The following SNTG1 variants were observed in gnomAD, a reference collection of about 807,000 sequenced individuals.
SNTG1 encodes gamma-1-syntrophin.
SNTG1 carries 39 observed loss-of-function variants against 74.7 expected under a neutral mutation model. The ratio of observed to expected loss-of-function variants is 0.52; its 90% confidence interval spans 0.40 to 0.68. The LOEUF (loss-of-function observed/expected upper bound fraction) is 0.68, where lower values mean the gene tolerates loss of function less well. Ranked by LOEUF, SNTG1 falls within the 30% of genes least tolerant of loss-of-function variation. The pLI, the probability that SNTG1 is intolerant of heterozygous loss-of-function variation, is 0.00. For missense variants in SNTG1, 685 were observed against 609.5 expected (o/e 1.12, Z -1.30); for synonymous variants, 254 against 217.1 (o/e 1.17, Z -1.49).
chr8:50,181,449 C>A (rs143646108), intron 2 of SNTG1, among the ~76,000 whole-genome samples: 202 of 152,300 alleles, frequency 1.3e-3, no homozygotes, highest in African/African-American at 4.5e-3. Flanking sequence ...GCACGTGCAT[C>A]AGTCCTACCT....
intron 1 of SNTG1, among the ~76,000 whole-genome samples, chr8:50,025,245 A>G (rs1304136662): frequency 6.6e-6 from 1 of 152,162 alleles, no homozygotes; most frequent in Non-Finnish European, 1.5e-5. Flanking sequence ...TTCACATTTG[A>G]AAAGTATATA....
At chr8:50,619,667 G>T (rs955190795) in intron 13 of SNTG1, among the ~76,000 whole-genome samples, 3 of 149,644 alleles carry the variant, frequency 2.0e-5, no homozygotes, top group Non-Finnish European at 4.4e-5. Context: ...GGAGGCGGAG[G>T]TTGCAGTGAG....
chr8:50,312,505 A>T (rs2090153375), intron 2 of SNTG1, among the ~76,000 whole-genome samples: 1 of 150,806 alleles, frequency 6.6e-6, no homozygotes, highest in Non-Finnish European at 1.5e-5. Context: ...AAATCCAAGC[A>T]GTAGCTGTAA....
At chr8:50,785,268 GT>G (rs2095671466) in intron 18 of SNTG1, among the ~76,000 whole-genome samples, 1 of 151,448 alleles carries the variant, frequency 6.6e-6, no homozygotes, top group South Asian at 2.1e-4. Context: ...TTTTAAAAAG[GT>G]TAACAAGAGT....
intron 2 of SNTG1, among the ~76,000 whole-genome samples, chr8:50,386,501 C>T (rs1386779425): frequency 2.0e-5 from 3 of 152,020 alleles, no homozygotes; most frequent in South Asian, 2.1e-4. Flanking sequence ...TTATGTGGCC[C>T]GACTTCCTTT....
rs1359962914 is a variant in SNTG1, at chr8:50,134,719, T to C, written c.-102-37842T>C. Among the ~76,000 whole-genome samples, 4 of 151,966 alleles carry C rather than the reference T, an allele frequency of 2.6e-5. No homozygotes were observed. The East Asian group carries it at 7.8e-4, about 29-fold the overall frequency. On this transcript the variant is annotated intron_variant, in intron 1 of 18. Coordinates refer to ENST00000642720, the MANE Select transcript of SNTG1 (RefSeq NM_018967.5). ...GTATGTACTTTAGGAGAAAAAATAGTTGAGCGGTTATAGATAGAAGAAGGG... is the reference window on the plus strand; with the variant it reads ...GTATGTACTTTAGGAGAAAAAATAGCTGAGCGGTTATAGATAGAAGAAGGG...
chr8:50,767,769 G>T (rs975886908), intron 18 of SNTG1, among the ~76,000 whole-genome samples: 3 of 151,728 alleles, frequency 2.0e-5, no homozygotes, highest in African/African-American at 7.2e-5. Flanking sequence ...TTTCTTTACT[G>T]CCTCTAATAT....
chr8:50,271,070 T>A lies in SNTG1; in HGVS notation c.-28+98435T>A, dbSNP rs1164416834. On this transcript the variant is annotated intron_variant, in intron 2 of 18. Transcript: ENST00000642720. ...GAACATGAGATACTCTGTACCAAAT[T>A]CAAATAAAAAATGAGTGCTTTGAGA... Among the ~76,000 whole-genome samples the A allele has an allele frequency of 3.3e-5, 5 of 152,182 alleles. No homozygotes were observed. The East Asian group carries it at 9.6e-4, about 29-fold the overall frequency.
At chr8:50,539,668 G>T (rs2094332547) in intron 11 of SNTG1, among the ~76,000 whole-genome samples, 2 of 152,104 alleles carry the variant, frequency 1.3e-5, no homozygotes, top group African/African-American at 4.8e-5. Flanking sequence ...TATTCTAATT[G>T]CTGCAGGTGA....
At chr8:50,273,941 CT>C (rs1276509709) in intron 2 of SNTG1, among the ~76,000 whole-genome samples, 2 of 152,096 alleles carry the variant, frequency 1.3e-5, no homozygotes, top group African/African-American at 4.8e-5. Flanking sequence ...TTCATCAAAA[CT>C]TTACAGTTTT....
chr8:50,391,870 C>T (rs1281681566), intron 2 of SNTG1, among the ~76,000 whole-genome samples: 1 of 152,008 alleles, frequency 6.6e-6, no homozygotes, highest in South Asian at 2.1e-4. Context: ...CATAACCACA[C>T]TATAATAGTT....
intron 1 of SNTG1, among the ~76,000 whole-genome samples, chr8:50,138,447 A>G (rs1016898657): frequency 6.6e-6 from 1 of 151,618 alleles, no homozygotes; most frequent in African/African-American, 2.4e-5. Context: ...GTGAAACTCC[A>G]TCTCTACTAA....
intron 1 of SNTG1, among the ~76,000 whole-genome samples, chr8:50,102,133 C>A (rs2080155524): frequency 6.7e-6 from 1 of 149,848 alleles, no homozygotes; most frequent in Admixed American, 6.7e-5. Context: ...GGAATCGCCA[C>A]ACTGACTTCC....
At chr8:50,680,949 T>C (rs954111928) in intron 15 of SNTG1, among the ~76,000 whole-genome samples, 9 of 152,126 alleles carry the variant, frequency 5.9e-5, no homozygotes, top group Non-Finnish European at 8.8e-5. Context: ...ACAATGTAAA[T>C]AAAACTAAAC....
Position 50,318,949 on chromosome 8 carries a change from A to G in SNTG1, c.-27-75263A>G, listed in dbSNP as rs377456024. Among the ~76,000 whole-genome samples, 4 of 151,934 alleles carry G rather than the reference A, an allele frequency of 2.6e-5. No homozygotes were observed. The East Asian group carries it at 5.8e-4, about 22-fold the overall frequency. ...ATACATATATGTGTTCTACCTGTGT[A>G]TATATCTACGTATGTATATTTATAT... On this transcript the variant is annotated intron_variant, in intron 2 of 18. Coordinates refer to ENST00000642720, the MANE Select transcript of SNTG1 (RefSeq NM_018967.5).
intron 1 of SNTG1, among the ~76,000 whole-genome samples, chr8:49,946,557 G>A (rs1393926382): frequency 6.6e-6 from 1 of 152,104 alleles, no homozygotes; most frequent in East Asian, 1.9e-4. Flanking sequence ...CAAAAAGGAA[G>A]TGATTTCAGA....
At chr8:50,405,070 G>T (rs921647071) in intron 4 of SNTG1, among the ~76,000 whole-genome samples, 2 of 152,024 alleles carry the variant, frequency 1.3e-5, no homozygotes, top group East Asian at 3.9e-4. Context: ...AAACATTGAG[G>T]TTGTTTCCAC....
At chr8:50,284,003 A>G (rs1043083484) in intron 2 of SNTG1, among the ~76,000 whole-genome samples, 4 of 152,114 alleles carry the variant, frequency 2.6e-5, no homozygotes, top group Admixed American at 6.6e-5. Context: ...ATACTTATTC[A>G]GATTTCAGAT....
intron 8 of SNTG1, among the ~76,000 whole-genome samples, chr8:50,463,083 G>A (rs2093580718): frequency 1.3e-5 from 2 of 152,166 alleles, no homozygotes; most frequent in South Asian, 4.2e-4. Context: ...CCAAAGTGCT[G>A]GGATTATAGG....
Sources: allele counts gnomAD v4.1 joint callset (sites outside exome capture counted in the v4.1 genomes callset), GRCh38; gene constraint gnomAD v4.1.1; transcripts MANE v1.5; gene names NCBI Gene and HGNC (gene_info 2026-07-23, HGNC 2026-07-21).